Variants in CARF observed in about 807,000 individuals in gnomAD.
CARF encodes calcium-responsive transcription factor.
CARF carries 57 observed loss-of-function variants against 82.0 expected under a neutral mutation model. That is an observed-to-expected ratio of 0.70 (90% CI 0.56 to 0.87). The LOEUF (loss-of-function observed/expected upper bound fraction) is 0.87. CARF is among the 40% of genes least tolerant of loss of function. CARF has a pLI of 0.00. For missense variants in CARF, 771 were observed against 855.8 expected (o/e 0.90, Z 1.24); for synonymous variants, 268 against 290.1 (o/e 0.92, Z 0.77).
At position 202,943,587 on chromosome 2, in the gene CARF, T is replaced by TACACACACACACACACACAC. The variant is rs754214990; in HGVS notation, c.306+644_306+663dup. ...CATGGAACTTACATTTAATGGAATGTACACACACACACACACACACACACA... is the reference window on the plus strand; with the variant it reads ...CATGGAACTTACATTTAATGGAATGTACACACACACACACACACACACACACACACACACACACACACACA... On this transcript the variant is annotated intron_variant, in intron 5 of 16. Coordinates refer to ENST00000438828, the MANE Select transcript of CARF (RefSeq NM_024744.17). 1.2e-3 allele frequency among the ~76,000 whole-genome samples: 136 copies of TACACACACACACACACACAC among 115,174 alleles called. 2 individuals are homozygous for TACACACACACACACACACAC. The highest frequency in any genetic ancestry group is 3.0e-3 in the Admixed American group (31 of 10,478). The allele number at this position is 115,174 out of a possible 152,430, so 75.6% of individuals were successfully genotyped here. A position where few individuals can be genotyped will look rare whatever the true frequency, so the allele number is the denominator to read the frequency against.
intron 2 of CARF, among the ~76,000 whole-genome samples, chr2:202,919,546 C>T (rs143567628): frequency 1.5e-4 from 23 of 152,266 alleles, no homozygotes; most frequent in African/African-American, 5.5e-4. Context: ...AGTTAGAGCT[C>T]TAGCTTTTGG....
chr2:202,952,532 T>A, intron 5 of CARF, 27 bp from the exon 6 acceptor site: 1 of 1,599,330 alleles, frequency 6.3e-7, no homozygotes, highest in Non-Finnish European at 8.6e-7. Flanking sequence ...CATATGCATT[T>A]GATTTTTTTT....
Position 202,987,392 on chromosome 2 carries a change from A to G in CARF, c.*3768A>G, listed in dbSNP as rs535662881. 1.4e-4 allele frequency among the ~76,000 whole-genome samples: 21 copies of G among 151,896 alleles called. No individual in the cohort carries two copies. Among genetic ancestry groups the G allele is most frequent in the Non-Finnish European group, 2.9e-4 (20 of 67,934 alleles). On this transcript the variant is annotated 3_prime_UTR_variant, in exon 17 of 17. Transcript: ENST00000438828. ...TTAAACTTTATTCCACTCTGTACCTATTTTTGAGGACCTTGAAAATCTTAA... is the reference window on the plus strand; with the variant it reads ...TTAAACTTTATTCCACTCTGTACCTGTTTTTGAGGACCTTGAAAATCTTAA...
At chr2:202,932,332 A>G (rs935802114) in intron 3 of CARF, among the ~76,000 whole-genome samples, 3 of 151,968 alleles carry the variant, frequency 2.0e-5, no homozygotes, top group Admixed American at 2.0e-4. Context: ...ACAGGTTAGC[A>G]CTCTGTGGCA....
chr2:202,914,779 C>CA (rs1251429747), intron 1 of CARF, among the ~76,000 whole-genome samples: 9,754 of 40,296 alleles, frequency 0.24, 816 homozygotes, highest in African/African-American at 0.3. Context: ...AACTCCATCT[C>CA]AAAAAAAAAA....
In CARF at chr2:202,961,100, G is replaced by T. The variant is rs2059302543; in HGVS notation, c.643-137G>T. On this transcript the variant is annotated intron_variant, in intron 8 of 16. Transcript: ENST00000438828. The stretch of plus-strand genomic sequence containing the variant: ...CAAATCAGACCCACTGATTGTAATA[G>T]ACCATTGATCTGAGGGCACAAATGA... The T allele has an allele frequency of 1.8e-5, 12 of 681,948 alleles. No individual in the cohort carries two copies. The South Asian group carries it at 2.4e-4, about 14-fold the overall frequency. The allele number at this position is 681,948 out of a possible 1,614,324, so 42.2% of individuals were successfully genotyped here. A position where few individuals can be genotyped will look rare whatever the true frequency, so the allele number is the denominator to read the frequency against.
chr2:202,921,428 T>G (rs1690769584), intron 2 of CARF, among the ~76,000 whole-genome samples: 1 of 152,248 alleles, frequency 6.6e-6, no homozygotes, highest in Non-Finnish European at 1.5e-5. Flanking sequence ...CAGGTCAGTT[T>G]CTTTTGCATT....
Position 202,982,207 on chromosome 2 carries a change from C to T in CARF, c.1825C>T (p.Leu609=), listed in dbSNP as rs1457002258. 1.9e-6 allele frequency: 3 copies of T among 1,614,056 alleles called. No individual in the cohort carries two copies. In the African/African-American group the frequency reaches 4.0e-5, roughly 22 times the overall value. The change falls in exon 16 of 17, where the codon CTG becomes TTG. Residue 609 remains leucine (L), a synonymous_variant. Coordinates refer to ENST00000438828, the MANE Select transcript of CARF (RefSeq NM_024744.17). ...GSAVMNNNSL[L]LGQSHSLQRD... ...TGCTGTAATGAATAATAATTCTCTA[C>T]TGCTTGGTCAAAGTCATAGCCTTCA...
chr2:202,977,211 T>G (rs1179598220), intron 13 of CARF, 58 bp from the exon 14 acceptor site: 1 of 1,252,906 alleles, frequency 8.0e-7, no homozygotes, highest in East Asian at 2.3e-5. Context: ...AATGACGTCT[T>G]AAGATATTTT....
At chr2:202,944,029 T>C (rs1237382244) in intron 5 of CARF, among the ~76,000 whole-genome samples, 2 of 152,214 alleles carry the variant, frequency 1.3e-5, no homozygotes, top group African/African-American at 4.8e-5. Flanking sequence ...TAGAAAGTAA[T>C]GGAGGTACTG....
intron 3 of CARF, among the ~76,000 whole-genome samples, chr2:202,939,065 C>T (rs879759574): frequency 1.3e-5 from 2 of 152,150 alleles, no homozygotes; most frequent in African/African-American, 4.8e-5. Flanking sequence ...ATCTGTCCAG[C>T]TGCATTTTGC....
chr2:202,920,684 A>G (rs560297420), intron 2 of CARF, among the ~76,000 whole-genome samples: 15 of 152,312 alleles, frequency 9.8e-5, no homozygotes, highest in Middle Eastern at 3.4e-3. Flanking sequence ...ATGGGAAAGA[A>G]AGAAAAAGAA....
At chr2:202,948,001 CTT>C (rs1459625940) in intron 5 of CARF, among the ~76,000 whole-genome samples, 3 of 152,078 alleles carry the variant, frequency 2.0e-5, no homozygotes, top group Admixed American at 6.6e-5. Context: ...ATATTTAAAT[CTT>C]TAGTCTATCT....
At chr2:202,964,360 A>C (rs1005117770) in intron 9 of CARF, among the ~76,000 whole-genome samples, 1 of 152,004 alleles carries the variant, frequency 6.6e-6, no homozygotes, top group African/African-American at 2.4e-5. Context: ...GCTCACTGCA[A>C]TCTCAATCTC....
intron 16 of CARF, 78 bp from the exon 17 acceptor site, chr2:202,983,428 A>G: frequency 2.3e-6 from 2 of 882,658 alleles, no homozygotes; most frequent in Non-Finnish European, 3.5e-6. Flanking sequence ...TTATTTTTAG[A>G]ATATAAAATA....
At chr2:202,945,939 A>C (rs773279762) in intron 5 of CARF, among the ~76,000 whole-genome samples, 3 of 152,118 alleles carry the variant, frequency 2.0e-5, no homozygotes, top group Non-Finnish European at 4.4e-5. Context: ...AAAGTATATA[A>C]GTGTTCTCTT....
At position 202,986,886 on chromosome 2, in the gene CARF, A is replaced by ACG. The variant is rs369321806; in HGVS notation, c.*3262_*3263insCG. ...TCTGTGCGTATATATATATATATAT[A>ACG]TATATATATATATATATATATAGCA... On this transcript the variant is annotated 3_prime_UTR_variant, in exon 17 of 17. Transcript: ENST00000438828. 2 of 110,786 alleles carry ACG rather than the reference A, an allele frequency of 1.8e-5. No homozygotes were observed. Among genetic ancestry groups the ACG allele is most frequent in the African/African-American group, 3.0e-5 (1 of 33,274 alleles). 6.9% of individuals were successfully genotyped at this position (110,786 alleles called of 1,614,324 possible).
intron 5 of CARF, among the ~76,000 whole-genome samples, chr2:202,947,425 A>T (rs2058551899): frequency 6.6e-6 from 1 of 152,102 alleles, no homozygotes; most frequent in East Asian, 1.9e-4. Context: ...GATTTGAACA[A>T]TGGGAACACA....
chr2:202,945,541 C>T (rs368135982), intron 5 of CARF, among the ~76,000 whole-genome samples: 2 of 152,100 alleles, frequency 1.3e-5, no homozygotes, highest in African/African-American at 4.8e-5. Context: ...TTAGCTCCCC[C>T]TTGTAAGTGA....
Sources: allele counts gnomAD v4.1 joint callset (sites outside exome capture counted in the v4.1 genomes callset), GRCh38; gene constraint gnomAD v4.1.1; transcripts MANE v1.5; gene names NCBI Gene and HGNC (gene_info 2026-07-23, HGNC 2026-07-21).